FREM2: variants seen among roughly 807,000 people sequenced by gnomAD.
FREM2 encodes the protein FRAS1 related extracellular matrix 2.
FREM2 carries 119 observed loss-of-function variants against 219.9 expected under a neutral mutation model. The ratio of observed to expected loss-of-function variants is 0.54; its 90% confidence interval spans 0.47 to 0.63. The LOEUF (loss-of-function observed/expected upper bound fraction) is 0.63. FREM2 is among the 30% of genes least tolerant of loss of function. FREM2 has a pLI of 0.00. For missense variants in FREM2, 4,030 were observed against 3,993.6 expected (o/e 1.01, Z -0.25); for synonymous variants, 1,562 against 1,522.8 (o/e 1.03, Z -0.60).
Position 38,808,073 on chromosome 13 carries a change from C to T in FREM2, c.6019+23265C>T, listed in dbSNP as rs530554408. 1.2e-4 allele frequency among the ~76,000 whole-genome samples: 19 copies of T among 152,090 alleles called. No individual in the cohort carries two copies. The South Asian group carries it at 2.9e-3, about 23-fold the overall frequency. On this transcript the variant is annotated intron_variant, in intron 6 of 23. Transcript: ENST00000280481. ...TCTGGATAACTTGCTACAGCTTCTA[C>T]GTCAGCACTTGCTGCTTTACCTTGC...
rs928271319 is a variant in FREM2 at position 38,881,135 on chromosome 13, T to G, written c.*348T>G. 1.5e-5 allele frequency: 5 copies of G among 343,934 alleles called. No individual in the cohort carries two copies. Among genetic ancestry groups the G allele is most frequent in the African/African-American group, 4.2e-5 (2 of 47,552 alleles). The allele number at this position is 343,934 out of a possible 1,614,324, so 21.3% of individuals were successfully genotyped here. A position where few individuals can be genotyped will look rare whatever the true frequency, so the allele number is the denominator to read the frequency against. On this transcript the variant is annotated 3_prime_UTR_variant, in exon 24 of 24. Transcript: ENST00000280481. ...GACTCTCTTACAAGTGTAAGAGGAA[T>G]CTACTGTTGCTATGTTAGTGTGAAT...
chr13:38,859,523 T>G lies in FREM2; in HGVS notation c.7452T>G (p.Ala2484=). The stretch of plus-strand genomic sequence containing the variant: ...CCCGGGTACAGTGCGCAGCTCGTGC[T>G]GTGAACACCAATGGGGATGAAGGCC... ...PGSRVQCAAR[A]VNTNGDEGLE... The change falls in exon 14 of 24, where the codon GCT becomes GCG. Residue 2484 remains alanine, a synonymous_variant. Transcript: ENST00000280481. The G allele has an allele frequency of 6.2e-7, 1 of 1,614,108 alleles. No individual in the cohort carries two copies. Among genetic ancestry groups the G allele is most frequent in the Non-Finnish European group, 8.5e-7 (1 of 1,179,994 alleles).
intron 6 of FREM2, among the ~76,000 whole-genome samples, chr13:38,799,315 G>A (rs939644107): frequency 1.3e-5 from 2 of 151,738 alleles, no homozygotes; most frequent in African/African-American, 4.8e-5. Flanking sequence ...TTCCATTATG[G>A]TCTGAGCAGA....
chr13:38,777,976 C>T (rs1350281495), intron 4 of FREM2, among the ~76,000 whole-genome samples: 1 of 152,196 alleles, frequency 6.6e-6, no homozygotes, highest in Non-Finnish European at 1.5e-5. Flanking sequence ...CTAATTCAAA[C>T]TTACTGGCAC....
chr13:38,784,412 A>G (rs1874242476), intron 5 of FREM2, 145 bp from the exon 6 acceptor site: 3 of 789,778 alleles, frequency 3.8e-6, no homozygotes, highest in Non-Finnish European at 6.4e-6. Context: ...TGATACTAGA[A>G]CAGTACGTAG....
In FREM2 at chr13:38,878,842, G is replaced by A. The variant is rs111308316; in HGVS notation, c.8871G>A (p.Gln2957=). 13 of 1,614,174 alleles carry A rather than the reference G, an allele frequency of 8.1e-6. No individual in the cohort carries two copies. Among genetic ancestry groups the A allele is most frequent in the African/African-American group, 5.3e-5 (4 of 75,052 alleles). The part of the protein sequence containing the change: ...LYRFKIVDKA[Q]PETQATSFGN... ...CTTACTGCTTAAAGGACAAAGCTCA[G>A]CCAGAGACACAAGCGACCAGTTTTG... The change falls in exon 23 of 24, where the codon CAG becomes CAA. Residue 2957 remains glutamine, a synonymous_variant. Coordinates refer to ENST00000280481, the MANE Select transcript of FREM2 (RefSeq NM_207361.6).
In FREM2 at chr13:38,687,754, G is replaced by A. The variant is rs1869547038; in HGVS notation, c.410G>A (p.Arg137His). 1 of 1,543,260 alleles carries A rather than the reference G, an allele frequency of 6.5e-7. No individual in the cohort carries two copies. Among genetic ancestry groups the A allele is most frequent in the South Asian group, 1.3e-5 (1 of 79,496 alleles). ...FPCDFGPGEV[R>H]YSHLGARSPS... ...TGCGACTTTGGCCCTGGCGAGGTGCGCTACTCTCACCTGGGCGCGCGCAGC... is the reference window on the plus strand; with the variant it reads ...TGCGACTTTGGCCCTGGCGAGGTGCACTACTCTCACCTGGGCGCGCGCAGC... Residue 137 changes from arginine to histidine, a missense_variant, in exon 1 of 24, where the codon CGC becomes CAC. Arg to His is a conservative substitution (Grantham distance 29, BLOSUM62 0). Coordinates refer to ENST00000280481, the MANE Select transcript of FREM2 (RefSeq NM_207361.6).
intron 13 of FREM2, among the ~76,000 whole-genome samples, chr13:38,859,006 G>A (rs111821657): frequency 1.3e-5 from 2 of 151,910 alleles, no homozygotes; most frequent in African/African-American, 4.8e-5. Context: ...AAAAAAGAGA[G>A]AATAAGGATA....
intron 12 of FREM2, among the ~76,000 whole-genome samples, chr13:38,857,314 C>T (rs551067974): frequency 5.7e-4 from 87 of 152,230 alleles, no homozygotes; most frequent in African/African-American, 2.0e-3. Context: ...TCACCTTGCC[C>T]AGCAGCAGGT....
chr13:38,765,728 T>G (rs946969128), intron 3 of FREM2, among the ~76,000 whole-genome samples: 1 of 152,162 alleles, frequency 6.6e-6, no homozygotes, highest in African/African-American at 2.4e-5. Context: ...TTTTTCCTTT[T>G]AACTTTAGAA....
intron 6 of FREM2, among the ~76,000 whole-genome samples, chr13:38,785,202 C>A (rs1027515089): frequency 8.6e-5 from 13 of 151,824 alleles, no homozygotes; most frequent in African/African-American, 3.1e-4. Context: ...ACTGTTTTTT[C>A]AAAGAAACCT....
In FREM2 at chr13:38,876,017, C is replaced by T. The variant is rs375590444; in HGVS notation, c.8282-5C>T. 8 of 1,612,762 alleles carry T rather than the reference C, an allele frequency of 5.0e-6. No homozygotes were observed. The highest frequency in any genetic ancestry group is 1.7e-5 in the Admixed American group (1 of 59,986). Reference sequence around the variant, plus strand: ...TCATTATTATAATTACTGGCACTTTCCTAGCATCCTTTACAAGCTCAGTGA... The same window carrying T: ...TCATTATTATAATTACTGGCACTTTTCTAGCATCCTTTACAAGCTCAGTGA... On this transcript the variant is annotated splice_region_variant and splice_polypyrimidine_tract_variant and intron_variant, in intron 18 of 23. Transcript: ENST00000280481.
intron 2 of FREM2, among the ~76,000 whole-genome samples, chr13:38,700,083 A>G (rs760952919): frequency 2.6e-5 from 4 of 152,120 alleles, no homozygotes; most frequent in Admixed American, 2.0e-4. Context: ...TTGATTTTAT[A>G]ACAGTAACTA....
intron 4 of FREM2, chr13:38,779,568 C>CA (rs1310655042): frequency 1.3e-5 from 2 of 152,050 alleles, no homozygotes; most frequent in Non-Finnish European, 2.9e-5. Flanking sequence ...TGCTGATACA[C>CA]AAGTAAAAAA....
At position 38,688,033 on chromosome 13, in the gene FREM2, A is replaced by G. The variant is rs1869573182; in HGVS notation, c.689A>G (p.Tyr230Cys). 3 of 1,609,936 alleles carry G rather than the reference A, an allele frequency of 1.9e-6. No individual in the cohort carries two copies. Among genetic ancestry groups the G allele is most frequent in the South Asian group, 2.2e-5 (2 of 90,926 alleles). ...TCCGGCTTGGGCGCGCTGCCTCGCT[A>G]TGGAGAACTCCTCCACTACCCGCAG... The part of the protein sequence containing the change: ...ILSGLGALPR[Y>C]GELLHYPQVP... The change falls in exon 1 of 24, where the codon TAT becomes TGT. Residue 230 changes from tyrosine (Y) to cysteine (C), a missense_variant. Coordinates refer to ENST00000280481, the MANE Select transcript of FREM2 (RefSeq NM_207361.6).
chr13:38,832,904 T>G (rs1259879957), intron 6 of FREM2, among the ~76,000 whole-genome samples: 1 of 151,994 alleles, frequency 6.6e-6, no homozygotes, highest in Non-Finnish European at 1.5e-5. Context: ...CTGGGTGTGG[T>G]CATGCACGCT....
intron 6 of FREM2, among the ~76,000 whole-genome samples, chr13:38,792,471 A>T (rs1460668974): frequency 6.6e-6 from 1 of 152,228 alleles, no homozygotes; most frequent in African/African-American, 2.4e-5. Flanking sequence ...CCTGCAGTAC[A>T]GAACAATAAG....
At position 38,866,456 on chromosome 13, in the gene FREM2, C is replaced by G. The variant is rs927949636; in HGVS notation, c.7983+1850C>G. Among the ~76,000 whole-genome samples the G allele has an allele frequency of 6.8e-4, 103 of 151,968 alleles. 1 individual carries two copies. The highest frequency in any genetic ancestry group is 1.6e-4 in the Non-Finnish European group (11 of 67,968). The stretch of plus-strand genomic sequence containing the variant: ...GAGGTTGCAGTGAGCCGAGATCACG[C>G]CACTGCACTCCAGCCTAGGCAACAG... On this transcript the variant is annotated intron_variant, in intron 16 of 23. Coordinates refer to ENST00000280481, the MANE Select transcript of FREM2 (RefSeq NM_207361.6).
At chr13:38,876,493 T>C (rs189620819) in intron 20 of FREM2, 111 bp downstream of exon 20, 87 of 922,972 alleles carry the variant, frequency 9.4e-5, no homozygotes, top group Non-Finnish European at 1.4e-4. Flanking sequence ...TCTTGCATGC[T>C]GAAAAGAAAA....
Sources: gnomAD v4.1 joint callset for allele counts (sites outside exome capture counted in the v4.1 genomes callset) on GRCh38, gnomAD v4.1.1 for gene constraint, MANE v1.5 for transcripts, NCBI Gene and HGNC (gene_info 2026-07-23, HGNC 2026-07-21) for gene names.